The following GPR83 variants were observed in gnomAD, a reference collection of about 807,000 sequenced individuals.
GPR83 encodes the protein G protein-coupled receptor 83.
In GPR83, 23 loss-of-function variants were observed where a neutral mutation model predicts 28.0. That is an observed-to-expected ratio of 0.82 (90% CI 0.59 to 1.16). The LOEUF is 1.16. Among genes scored for constraint, GPR83 ranks in the 50% most tolerant of loss-of-function variants. The pLI is 0.00. For synonymous variants in GPR83, 234 were observed against 215.4 expected (o/e 1.09, Z -0.76); for missense variants, 610 against 536.6 (o/e 1.14, Z -1.35).
intron 1 of GPR83, among the ~76,000 whole-genome samples, chr11:94,397,054 T>C (rs1300372432): frequency 1.3e-5 from 2 of 152,174 alleles, no homozygotes; most frequent in African/African-American, 4.8e-5. Context: ...AAGTTCACTC[T>C]AGTAGGGGAG....
At chr11:94,395,888 T>C (rs1374169839) in intron 2 of GPR83, among the ~76,000 whole-genome samples, 1 of 152,246 alleles carries the variant, frequency 6.6e-6, no homozygotes. Context: ...GGTTTGCTTT[T>C]CTATCCTCAA....
chr11:94,390,294 A>G (rs1944804522), intron 3 of GPR83, among the ~76,000 whole-genome samples: 1 of 152,010 alleles, frequency 6.6e-6, no homozygotes, highest in Non-Finnish European at 1.5e-5. Flanking sequence ...CATTGTGCAC[A>G]CCTACCCTAA....
chr11:94,400,863 A>G lies in GPR83; in HGVS notation c.385T>C (p.Leu129=). The G allele has an allele frequency of 1.2e-6, 2 of 1,613,190 alleles. No individual in the cohort carries two copies. Among genetic ancestry groups the G allele is most frequent in the Non-Finnish European group, 1.7e-6 (2 of 1,179,246 alleles). ...MITLLNTPFT[L]VRFVNSTWIF... ...GCGGCAGGCAGCGGGCCCCTTACCAAAGTGAAGGGGGTGTTGAGCAGCGTG... is the reference window on the plus strand; with the variant it reads ...GCGGCAGGCAGCGGGCCCCTTACCAGAGTGAAGGGGGTGTTGAGCAGCGTG... The change falls in exon 1 of 4, where the codon TTG becomes CTG. Residue 129 remains leucine, a splice_region_variant and synonymous_variant. Coordinates refer to ENST00000243673, the MANE Select transcript of GPR83 (RefSeq NM_016540.4).
At chr11:94,397,316 T>C (rs1046006750) in intron 1 of GPR83, among the ~76,000 whole-genome samples, 2 of 152,166 alleles carry the variant, frequency 1.3e-5, no homozygotes, top group African/African-American at 4.8e-5. Context: ...GTCCCATGCC[T>C]GAGAGAGATT....
At chr11:94,381,558 A>AGAGTGT (rs147855341) in intron 3 of GPR83, among the ~76,000 whole-genome samples, 7 of 148,054 alleles carry the variant, frequency 4.7e-5, no homozygotes, top group African/African-American at 1.5e-4. Flanking sequence ...GGAGTGAGTG[A>AGAGTGT]GTGTGTGTGT....
At chr11:94,393,067 T>C (rs1944832500) in intron 3 of GPR83, among the ~76,000 whole-genome samples, 1 of 151,970 alleles carries the variant, frequency 6.6e-6, no homozygotes, top group South Asian at 2.1e-4. Flanking sequence ...ACATACATGG[T>C]AGGTGGGGGA....
chr11:94,386,920 G>T (rs1201970676), intron 3 of GPR83, among the ~76,000 whole-genome samples: 1 of 152,102 alleles, frequency 6.6e-6, no homozygotes, highest in Admixed American at 6.6e-5. Context: ...TGACCACATA[G>T]TTGGAAGTAA....
At chr11:94,396,309 G>T (rs1274685405) in intron 2 of GPR83, 90 bp downstream of exon 2, 5 of 1,245,848 alleles carry the variant, frequency 4.0e-6, no homozygotes, top group Non-Finnish European at 5.8e-6. Context: ...TTGAAAACTG[G>T]GCTAAAACAC....
chr11:94,399,895 C>A (rs894724815), intron 1 of GPR83, among the ~76,000 whole-genome samples: 2 of 152,188 alleles, frequency 1.3e-5, no homozygotes, highest in South Asian at 2.1e-4. Context: ...ACACCACCAG[C>A]GCTAAGTAGC....
intron 3 of GPR83, among the ~76,000 whole-genome samples, chr11:94,390,300 C>A (rs182553536): frequency 6.6e-6 from 1 of 151,838 alleles, no homozygotes; most frequent in Non-Finnish European, 1.5e-5. Context: ...GCACACCTAC[C>A]CTAAAACTTA....
At chr11:94,394,123 C>T (rs1311198198) in intron 2 of GPR83, among the ~76,000 whole-genome samples, 1 of 152,170 alleles carries the variant, frequency 6.6e-6, no homozygotes, top group Non-Finnish European at 1.5e-5. Flanking sequence ...TCGCATGGCA[C>T]CACGGCAAGG....
At position 94,377,820 on chromosome 11, in the gene GPR83, A is replaced by G. The variant is rs1295726167; in HGVS notation, c.*2329T>C. Reference sequence around the variant, plus strand: ...ATGTTCAGTAGGTTGGGTGTATTCAATGCATTTTCAACTTCCAATATTTTG... The same window carrying G: ...ATGTTCAGTAGGTTGGGTGTATTCAGTGCATTTTCAACTTCCAATATTTTG... On this transcript the variant is annotated 3_prime_UTR_variant, in exon 4 of 4. Transcript: ENST00000243673. 7 of 152,146 alleles carry G rather than the reference A, an allele frequency of 4.6e-5. No homozygotes were observed. Among genetic ancestry groups the G allele is most frequent in the African/African-American group, 1.7e-4 (7 of 41,438 alleles). 9.4% of individuals were successfully genotyped at this position (152,146 alleles called of 1,614,324 possible).
intron 3 of GPR83, among the ~76,000 whole-genome samples, chr11:94,384,207 T>C (rs1023903122): frequency 6.6e-6 from 1 of 152,042 alleles, no homozygotes; most frequent in African/African-American, 2.4e-5. Flanking sequence ...ATACAATGTA[T>C]CACACAAACA....
chr11:94,389,755 A>G (rs1008065325), intron 3 of GPR83, among the ~76,000 whole-genome samples: 3 of 152,338 alleles, frequency 2.0e-5, no homozygotes, highest in South Asian at 4.1e-4. Context: ...TGTGGAAGTC[A>G]GTGTGGCGAT....
At position 94,393,503 on chromosome 11, in the gene GPR83, A is replaced by G. The variant is rs1336757345; in HGVS notation, c.629T>C (p.Leu210Ser). The G allele has an allele frequency of 6.2e-7, 1 of 1,614,120 alleles. No individual in the cohort carries two copies. ...ATCTCACCTGTATTTGAAGGTAAAT[A>G]ATTTCTGGCAGATAGCATGTGGGAG... is the stretch of plus-strand genomic sequence containing the variant. ...FSLPHAICQKLFTFKYSEDIV... is the reference protein window; with the variant it reads ...FSLPHAICQKSFTFKYSEDIV... Residue 210 changes from leucine (L) to serine (S), a missense_variant, in exon 3 of 4, where the codon TTA becomes TCA. By Grantham distance (145) the Leu-to-Ser change is moderately radical. Transcript: ENST00000243673.
rs201686359 is a variant in GPR83 at position 94,380,708 on chromosome 11, T to C, written c.713A>G (p.Tyr238Cys). The C allele has an allele frequency of 4.3e-6, 7 of 1,612,906 alleles. No homozygotes were observed. The East Asian group carries it at 1.1e-4, about 26-fold the overall frequency. The change falls in exon 4 of 4, where the codon TAC becomes TGC. Residue 238 changes from tyrosine to cysteine, a missense_variant. Tyr to Cys is a radical substitution (Grantham distance 194). Transcript: ENST00000243673. The part of the protein sequence containing the change: ...FPEPADLFWK[Y>C]LDLATFILLY... Reference sequence around the variant, plus strand: ...CAGGATGAAGGTGGCCAAGTCCAGGTACTTCCAGAAGAGGTCAGCTGGCTC... The same window carrying C: ...CAGGATGAAGGTGGCCAAGTCCAGGCACTTCCAGAAGAGGTCAGCTGGCTC...
chr11:94,396,459 C>T lies in GPR83; in HGVS notation c.453G>A (p.Gln151=). 1 of 1,614,124 alleles carries T rather than the reference C, an allele frequency of 6.2e-7. No homozygotes were observed. ...GTGCTGAGACGTGCAGTGAGCAGTACTGGGCAAAGCGGCTGACATGGCACA... is the reference window on the plus strand; with the variant it reads ...GTGCTGAGACGTGCAGTGAGCAGTATTGGGCAAAGCGGCTGACATGGCACA... ...KGMCHVSRFA[Q]YCSLHVSALT... is the part of the protein sequence containing the mutation. The change falls in exon 2 of 4, where the codon CAG becomes CAA. Residue 151 remains glutamine, a synonymous_variant. Transcript: ENST00000243673.
At chr11:94,400,742 T>C (rs1266132076) in intron 1 of GPR83, 119 bp downstream of exon 1, 3 of 781,792 alleles carry the variant, frequency 3.8e-6, no homozygotes, top group Admixed American at 2.5e-5. Context: ...GGAAGAGAGA[T>C]GTGGAGAGAG....
rs1301403805 is a variant in GPR83 at position 94,379,699 on chromosome 11, C to G, written c.*450G>C. The G allele has an allele frequency of 1.9e-5, 3 of 153,940 alleles. No homozygotes were observed. Among genetic ancestry groups the G allele is most frequent in the African/African-American group, 7.2e-5 (3 of 41,536 alleles). The allele number at this position is 153,940 out of a possible 1,614,324, so 9.5% of individuals were successfully genotyped here. ...AAATCTCCACGCCCGCTCTGGCTTG[C>G]TGGCATTTCCCTGGCCCGTGTACCT... On this transcript the variant is annotated 3_prime_UTR_variant, in exon 4 of 4. Coordinates refer to ENST00000243673, the MANE Select transcript of GPR83 (RefSeq NM_016540.4).
Sources: allele counts gnomAD v4.1 joint callset (sites outside exome capture counted in the v4.1 genomes callset), GRCh38; gene constraint gnomAD v4.1.1; transcripts MANE v1.5; gene names NCBI Gene and HGNC (gene_info 2026-07-23, HGNC 2026-07-21).